The following OVOL1 variants were observed in gnomAD, a reference collection of about 807,000 sequenced individuals.
OVOL1 encodes the protein putative transcription factor Ovo-like 1.
OVOL1 carries 10 observed loss-of-function variants against 21.5 expected under a neutral mutation model. That is an observed-to-expected ratio of 0.46 (90% CI 0.29 to 0.79). The LOEUF (loss-of-function observed/expected upper bound fraction) is 0.79, where lower values mean the gene tolerates loss of function less well. Ranked by LOEUF, OVOL1 falls within the 30% of genes least tolerant of loss-of-function variation. The pLI is 0.10. For missense variants in OVOL1, 279 were observed against 362.3 expected (o/e 0.77, Z 1.87); for synonymous variants, 129 against 150.3 (o/e 0.86, Z 1.03).
chr11:65,787,880 T>C (rs1857935228), intron 1 of OVOL1, among the ~76,000 whole-genome samples: 1 of 151,818 alleles, frequency 6.6e-6, no homozygotes, highest in East Asian at 1.9e-4. Flanking sequence ...GATGCCACTT[T>C]GGGGGGCGGG....
chr11:65,795,067 G>A lies in OVOL1; in HGVS notation c.530G>A (p.Ser177Asn). 1 of 1,613,176 alleles carries A rather than the reference G, an allele frequency of 6.2e-7. No homozygotes were observed. The highest frequency in any genetic ancestry group is 8.5e-7 in the Non-Finnish European group (1 of 1,179,976). ...ACAGGCGTGCGGCCCTACAAGTGCA[G>A]CCTGTGTGACAAGGCCTTCACGCAG... The part of the protein sequence containing the change: ...THTGVRPYKC[S>N]LCDKAFTQRC... Residue 177 changes from serine to asparagine, a missense_variant, in exon 4 of 4, where the codon AGC (serine) becomes AAC (asparagine). Transcript: ENST00000335987. The surrounding 1 kb of genome is among the most constrained non-coding windows in gnomAD (Gnocchi z 5.7).
In OVOL1 at chr11:65,795,612, C is replaced by CCTG; in HGVS notation, c.*271_*272insCTG. 1 of 548,628 alleles carries CCTG rather than the reference C, an allele frequency of 1.8e-6. No individual in the cohort carries two copies. The highest frequency in any genetic ancestry group is 3.3e-6 in the Non-Finnish European group (1 of 304,984). The allele number at this position is 548,628 out of a possible 1,614,324, so 34.0% of individuals were successfully genotyped here. ...GTCAAGAGAAGGGATGAGGCCAAGG[C>CCTG]TGCCTTCAATTAGAAGCAGCCGCCC... is the stretch of plus-strand genomic sequence containing the variant. On this transcript the variant is annotated 3_prime_UTR_variant, in exon 4 of 4. Coordinates refer to ENST00000335987, the MANE Select transcript of OVOL1 (RefSeq NM_004561.4). The surrounding 1 kb of genome is among the most constrained non-coding windows in gnomAD (Gnocchi z 5.7).
In OVOL1 at chr11:65,796,167, T is replaced by C. The variant is rs1426875157; in HGVS notation, c.*826T>C. On this transcript the variant is annotated 3_prime_UTR_variant, in exon 4 of 4. Transcript: ENST00000335987. ...TATCCTGGACATTTCAAACCTCCTC[T>C]GTGCCTTGGCTCTGGGCGGGGGCTG... 6.6e-6 allele frequency: 1 copy of C among 152,638 alleles called. No homozygotes were observed. The highest frequency in any genetic ancestry group is 1.5e-5 in the Non-Finnish European group (1 of 68,064). 9.5% of individuals were successfully genotyped at this position (152,638 alleles called of 1,614,324 possible). A position where few individuals can be genotyped will look rare whatever the true frequency, so the allele number is the denominator to read the frequency against.
intron 1 of OVOL1, among the ~76,000 whole-genome samples, chr11:65,787,938 TCAG>T (rs1857936162): frequency 6.6e-6 from 1 of 152,132 alleles, no homozygotes; most frequent in Non-Finnish European, 1.5e-5. Context: ...GCTCAGAGCT[TCAG>T]CCGCTCGCAC....
intron 1 of OVOL1, among the ~76,000 whole-genome samples, chr11:65,792,744 C>T (rs1289426114): frequency 2.6e-5 from 4 of 152,242 alleles, no homozygotes; most frequent in African/African-American, 7.2e-5. Flanking sequence ...TCTCTCAGAC[C>T]TTTGTTGTGT....
chr11:65,787,074 C>T lies in OVOL1; in HGVS notation c.-300C>T, dbSNP rs1245481188. On this transcript the variant is annotated 5_prime_UTR_variant, in exon 1 of 4. Transcript: ENST00000335987. ...CGTCCGTCCGGCTCGCACTTTAAGA[C>T]TTCCCGAGCGGCGGCGGGGACGCCA... is the stretch of plus-strand genomic sequence containing the variant. 1 of 269,880 alleles carries T rather than the reference C, an allele frequency of 3.7e-6. No homozygotes were observed. The highest frequency in any genetic ancestry group is 1.5e-4 in the East Asian group (1 of 6,744). The allele number at this position is 269,880 out of a possible 1,614,324, so 16.7% of individuals were successfully genotyped here.
intron 1 of OVOL1, chr11:65,788,891 C>T (rs764296413): frequency 1.7e-4 from 166 of 985,350 alleles, no homozygotes; most frequent in Non-Finnish European, 1.9e-4. Flanking sequence ...CTTGGCCACA[C>T]TCCCTGGTGA....
chr11:65,793,090 T>C (rs1185992625), intron 1 of OVOL1, among the ~76,000 whole-genome samples: 5 of 152,260 alleles, frequency 3.3e-5, no homozygotes, highest in Non-Finnish European at 5.9e-5. Flanking sequence ...GCTCAGGCTC[T>C]TTGGAAGAAA....
rs1858075466 is a variant in OVOL1, at chr11:65,794,028, C to A, written c.101-3C>A. The A allele has an allele frequency of 4.3e-6, 7 of 1,612,738 alleles. No homozygotes were observed. The highest frequency in any genetic ancestry group is 1.3e-5 in the African/African-American group (1 of 74,912). ...GCCTCTCACCTGTCTGTTCTCTCCC[C>A]AGTCAGCCTGGGCTTCTGCCCACCA... On this transcript the variant is annotated splice_polypyrimidine_tract_variant and splice_region_variant and intron_variant, in intron 1 of 3. Coordinates refer to ENST00000335987, the MANE Select transcript of OVOL1 (RefSeq NM_004561.4).
At chr11:65,789,061 C>T in intron 1 of OVOL1, 1 of 985,478 alleles carries the variant, frequency 1.0e-6, no homozygotes, top group Non-Finnish European at 1.2e-6. Context: ...TAAAGGTGAG[C>T]TGAGCCCTGA....
chr11:65,788,008 G>A (rs1175329284), intron 1 of OVOL1, among the ~76,000 whole-genome samples: 2 of 151,792 alleles, frequency 1.3e-5, no homozygotes, highest in East Asian at 1.9e-4. Context: ...GGGTCGGGCC[G>A]GTGGGGGGCG....
Position 65,787,311 on chromosome 11 carries a change from A to G in OVOL1, c.-63A>G, listed in dbSNP as rs909702928. The G allele has an allele frequency of 2.2e-6, 3 of 1,372,744 alleles. No individual in the cohort carries two copies. The highest frequency in any genetic ancestry group is 3.0e-6 in the Non-Finnish European group (3 of 994,384). The allele number at this position is 1,372,744 out of a possible 1,614,324, so 85.0% of individuals were successfully genotyped here. ...CCCGGCGTTCAGCCCGGCCCCGCAA[A>G]GGTGGGACGGCTCCCGGCTTCAGTT... On this transcript the variant is annotated 5_prime_UTR_variant, in exon 1 of 4. Coordinates refer to ENST00000335987, the MANE Select transcript of OVOL1 (RefSeq NM_004561.4).
chr11:65,793,969 C>G, intron 1 of OVOL1, 62 bp from the exon 2 acceptor site: 1 of 1,424,074 alleles, frequency 7.0e-7, no homozygotes, highest in South Asian at 1.2e-5. Context: ...AGGGAAGTTT[C>G]CAGAAACCCG....
At chr11:65,788,848 G>C in intron 1 of OVOL1, 1 of 985,468 alleles carries the variant, frequency 1.0e-6, no homozygotes, top group Non-Finnish European at 1.2e-6. Context: ...GCAGATTAGG[G>C]TGTGGGCTCA....
chr11:65,789,793 C>A (rs1317820783), intron 1 of OVOL1: 16 of 715,864 alleles, frequency 2.2e-5, no homozygotes, highest in Non-Finnish European at 2.6e-5. Flanking sequence ...TCCTCTGAGA[C>A]CCTCAAAGCC....
rs1191647076 is a variant in OVOL1 at position 65,787,345 on chromosome 11, G to A, written c.-29G>A. 1.2e-5 allele frequency: 18 copies of A among 1,542,882 alleles called. No homozygotes were observed. Among genetic ancestry groups the A allele is most frequent in the Non-Finnish European group, 1.4e-5 (16 of 1,138,792 alleles). On this transcript the variant is annotated 5_prime_UTR_variant, in exon 1 of 4. Coordinates refer to ENST00000335987, the MANE Select transcript of OVOL1 (RefSeq NM_004561.4). The stretch of plus-strand genomic sequence containing the variant: ...GGCTCCCGGCTTCAGTTACGGAAGC[G>A]GCCCGTGTCCAGCGACGAGGGTTCG...
intron 1 of OVOL1, among the ~76,000 whole-genome samples, chr11:65,792,758 G>T (rs1858047292): frequency 6.6e-6 from 1 of 152,222 alleles, no homozygotes; most frequent in South Asian, 2.1e-4. Context: ...GTTGTGTTTT[G>T]AGGGGGCGAG....
chr11:65,794,829 C>T (rs1431242768), intron 3 of OVOL1, 102 bp downstream of exon 3: 17 of 1,245,882 alleles, frequency 1.4e-5, no homozygotes, highest in Non-Finnish European at 1.7e-5. Flanking sequence ...TGACGGGCAG[C>T]CTGGGAGGGC....
chr11:65,791,784 G>A (rs142078379), intron 1 of OVOL1, among the ~76,000 whole-genome samples: 81 of 152,362 alleles, frequency 5.3e-4, no homozygotes, highest in African/African-American at 1.7e-3. Context: ...AGCTGTGGGC[G>A]GGTGATGAGT....
Sources: allele counts gnomAD v4.1 joint callset (sites outside exome capture counted in the v4.1 genomes callset), GRCh38; gene constraint gnomAD v4.1.1; non-coding constraint Gnocchi (gnomAD v3.1); transcripts MANE v1.5; gene names NCBI Gene and HGNC (gene_info 2026-07-23, HGNC 2026-07-21).